Variants in ZBTB7C observed in about 807,000 individuals in gnomAD.
The protein encoded by ZBTB7C is zinc finger and BTB domain containing 7C, also known as zinc finger and BTB domain-containing protein 7C.
In ZBTB7C, 8 loss-of-function variants were observed where a neutral mutation model predicts 25.7. The ratio of observed to expected loss-of-function variants is 0.31; its 90% CI spans 0.18 to 0.56. The LOEUF (loss-of-function observed/expected upper bound fraction) is 0.56, where lower values mean the gene tolerates loss of function less well. Ranked by LOEUF, ZBTB7C falls within the 20% of genes least tolerant of loss-of-function variation. The pLI is 0.91. For missense variants in ZBTB7C, 824 were observed against 855.2 expected, an observed-to-expected ratio of 0.96 and a Z score of 0.46; for synonymous variants, 394 against 369.0, an observed-to-expected ratio of 1.07 and a Z score of -0.78.
intron 2 of ZBTB7C, among the ~76,000 whole-genome samples, chr18:48,201,800 CCT>C (rs1183185542): frequency 1.3e-5 from 2 of 152,208 alleles, no homozygotes; most frequent in Non-Finnish European, 2.9e-5. Context: ...GGCGCGCATC[CCT>C]CTCTGACACC....
chr18:48,170,720 C>G (rs1156967068), intron 3 of ZBTB7C, among the ~76,000 whole-genome samples: 1 of 152,160 alleles, frequency 6.6e-6, no homozygotes, highest in East Asian at 1.9e-4. Context: ...TGAAGTCATT[C>G]AAAGCCTGGG....
intron 3 of ZBTB7C, among the ~76,000 whole-genome samples, chr18:48,140,081 G>T (rs2144825444): frequency 6.6e-6 from 1 of 152,322 alleles, no homozygotes; most frequent in African/African-American, 2.4e-5. Flanking sequence ...GTTCCAGTGA[G>T]GACGAAAGCT....
At chr18:48,330,317 G>A (rs568948022) in intron 2 of ZBTB7C, among the ~76,000 whole-genome samples, 1 of 152,270 alleles carries the variant, frequency 6.6e-6, no homozygotes, top group African/African-American at 2.4e-5. Flanking sequence ...AATTTCTGCT[G>A]TGCAAATTAA....
chr18:48,200,465 C>T (rs1429955110), intron 2 of ZBTB7C, among the ~76,000 whole-genome samples: 2 of 152,114 alleles, frequency 1.3e-5, no homozygotes, highest in African/African-American at 4.8e-5. Flanking sequence ...TACACCACAC[C>T]AAACACAAGT....
intron 1 of ZBTB7C, among the ~76,000 whole-genome samples, chr18:48,342,267 CAT>C (rs1470603974): frequency 1.3e-5 from 2 of 152,240 alleles, no homozygotes; most frequent in East Asian, 1.9e-4. Flanking sequence ...AAAGGCAGCA[CAT>C]GTGACTGCAC....
At chr18:48,038,246 C>G (rs1246172741) in intron 4 of ZBTB7C, among the ~76,000 whole-genome samples, 2 of 152,154 alleles carry the variant, frequency 1.3e-5, no homozygotes, top group Admixed American at 6.5e-5. Context: ...GGCAAGGGAA[C>G]ACATCCTGGG....
chr18:48,133,735 G>A (rs2040058659), intron 3 of ZBTB7C, among the ~76,000 whole-genome samples: 1 of 152,018 alleles, frequency 6.6e-6, no homozygotes, highest in Non-Finnish European at 1.5e-5. Context: ...CTTTAGAAAG[G>A]AAAAACACAA....
At chr18:48,411,789 A>G (rs2048385206), upstream of ZBTB7C, among the ~76,000 whole-genome samples, 1 of 152,260 alleles carries the variant, frequency 6.6e-6, no homozygotes, top group African/African-American at 2.4e-5. Context: ...AATAGACTCT[A>G]ATATAAATGT....
intron 2 of ZBTB7C, among the ~76,000 whole-genome samples, chr18:48,315,801 C>T (rs2045934153): frequency 6.6e-6 from 1 of 152,206 alleles, no homozygotes; most frequent in South Asian, 2.1e-4. Context: ...AGCTCTGATA[C>T]TTAGGGGTCT....
intron 2 of ZBTB7C, among the ~76,000 whole-genome samples, chr18:48,319,914 G>A (rs2046049274): frequency 1.3e-5 from 2 of 152,176 alleles, no homozygotes; most frequent in African/African-American, 4.8e-5. Flanking sequence ...TACACAGAGT[G>A]ACAGTTGCAG....
intron 3 of ZBTB7C, 32 bp from the exon 4 acceptor site, chr18:48,041,155 TAGTG>T (rs1164984232): frequency 6.5e-7 from 1 of 1,545,662 alleles, no homozygotes; most frequent in Admixed American, 1.8e-5. Context: ...AAGACTGGGT[TAGTG>T]AGCGTGGCCC....
At chr18:48,367,202 T>TATATATATATATATATATACAC (rs1302394192) in intron 1 of ZBTB7C, among the ~76,000 whole-genome samples, 5 of 63,402 alleles carry the variant, frequency 7.9e-5, no homozygotes, top group African/African-American at 2.5e-4. Flanking sequence ...TATATATATA[T>TATATATATATATATATATACAC]ACACACACAC....
intron 3 of ZBTB7C, among the ~76,000 whole-genome samples, chr18:48,082,909 G>C (rs1430091226): frequency 2.6e-5 from 4 of 152,162 alleles, no homozygotes; most frequent in Non-Finnish European, 5.9e-5. Flanking sequence ...TGGAAGTCAG[G>C]CCTCATGTCC....
chr18:48,060,897 C>T (rs1352630625), intron 3 of ZBTB7C, among the ~76,000 whole-genome samples: 1 of 152,070 alleles, frequency 6.6e-6, no homozygotes, highest in East Asian at 1.9e-4. Context: ...GGATCAGGTA[C>T]ACCCATAGCC....
In ZBTB7C at chr18:48,313,449, G is replaced by C. The variant is rs543299166; in HGVS notation, c.-79+24725C>G. Among the ~76,000 whole-genome samples, 3 of 152,180 alleles carry C rather than the reference G, an allele frequency of 2.0e-5. No individual in the cohort carries two copies. In the East Asian group the frequency reaches 5.8e-4, roughly 29 times the overall value. ...CGAATTGTGGGGGTCAGGCAGCAGC[G>C]TTTTTAAACCCCCTCCCCTGCTCCC... On this transcript the variant is annotated intron_variant, in intron 2 of 4. Coordinates refer to ENST00000590800, the MANE Select transcript of ZBTB7C (RefSeq NM_001318841.2).
chr18:48,056,371 C>T (rs1378860978), intron 3 of ZBTB7C, among the ~76,000 whole-genome samples: 1 of 152,176 alleles, frequency 6.6e-6, no homozygotes, highest in Non-Finnish European at 1.5e-5. Context: ...ATTAGATAAG[C>T]TGATTCTGAA....
chr18:48,340,189 A>G (rs1451800341), intron 1 of ZBTB7C, among the ~76,000 whole-genome samples: 7 of 152,220 alleles, frequency 4.6e-5, no homozygotes, highest in Non-Finnish European at 1.0e-4. Context: ...CATGACATAG[A>G]GAAACTCACA....
intron 3 of ZBTB7C, among the ~76,000 whole-genome samples, chr18:48,042,341 G>GGCTC (rs1407579868): frequency 2.0e-5 from 3 of 152,104 alleles, no homozygotes; most frequent in Non-Finnish European, 4.4e-5. Flanking sequence ...AGCTTCATAG[G>GGCTC]GCTCTTCTAC....
At chr18:48,290,112 G>A (rs2045178207) in intron 2 of ZBTB7C, among the ~76,000 whole-genome samples, 1 of 152,120 alleles carries the variant, frequency 6.6e-6, no homozygotes, top group South Asian at 2.1e-4. Context: ...TTAATTCAGA[G>A]CATTTAGCAC....
Sources: allele counts gnomAD v4.1 joint callset (sites outside exome capture counted in the v4.1 genomes callset), GRCh38; gene constraint gnomAD v4.1.1; transcripts MANE v1.5; gene names NCBI Gene and HGNC (gene_info 2026-07-23, HGNC 2026-07-21).